The following ADRA1B variants were observed in gnomAD, a reference collection of about 807,000 sequenced individuals.
ADRA1B encodes the protein adrenoceptor alpha 1B.
Under a neutral mutation model 17.9 loss-of-function variants are expected in ADRA1B, and 17 were observed. The ratio of observed to expected loss-of-function variants is 0.95; its 90% CI spans 0.65 to 1.42. The LOEUF is 1.42. Ranked by LOEUF, ADRA1B falls within the 40% of genes most tolerant of loss-of-function variation. ADRA1B has a pLI of 0.00. For synonymous variants in ADRA1B, 366 were observed against 327.6 expected, an observed-to-expected ratio of 1.12 and a Z score of -1.27; for missense variants, 681 against 722.1, an observed-to-expected ratio of 0.94 and a Z score of 0.65.
intron 1 of ADRA1B, among the ~76,000 whole-genome samples, chr5:159,882,663 T>G (rs145465988): frequency 6.6e-6 from 1 of 152,302 alleles, no homozygotes; most frequent in East Asian, 1.9e-4. Context: ...CATCACCCAA[T>G]AGCCTGATCA....
upstream of ADRA1B, among the ~76,000 whole-genome samples, chr5:159,913,957 C>T (rs1754253475): frequency 6.6e-6 from 1 of 152,130 alleles, no homozygotes; most frequent in Non-Finnish European, 1.5e-5. Flanking sequence ...TCTTCCTCCT[C>T]CCTCTCCCCT....
At position 159,917,460 on chromosome 5, in the gene ADRA1B, G is replaced by A. The variant is rs766562864; in HGVS notation, c.555G>A (p.Lys185=). 6.8e-6 allele frequency: 11 copies of A among 1,614,156 alleles called. No homozygotes were observed. Among genetic ancestry groups the A allele is most frequent in the Non-Finnish European group, 7.6e-6 (9 of 1,180,010 alleles). Residue 185 remains lysine (K), a synonymous_variant, in exon 1 of 2, where the codon AAG becomes AAA. Coordinates refer to ENST00000306675, the MANE Select transcript of ADRA1B (RefSeq NM_000679.4). The stretch of plus-strand genomic sequence containing the variant: ...CCATCGGGCCTCTCCTTGGGTGGAA[G>A]GAGCCGGCACCCAACGATGACAAGG... ...VISIGPLLGW[K]EPAPNDDKEC... is the part of the protein sequence containing the mutation.
intron 1 of ADRA1B, among the ~76,000 whole-genome samples, chr5:159,957,765 G>A (rs770044084): frequency 7.9e-5 from 12 of 151,114 alleles, no homozygotes; most frequent in African/African-American, 2.9e-4. Context: ...ATGAAACCTC[G>A]TCTCTACTAC....
chr5:159,975,708 C>G (rs763142368), downstream of ADRA1B, among the ~76,000 whole-genome samples: 9 of 152,160 alleles, frequency 5.9e-5, no homozygotes, highest in Non-Finnish European at 5.9e-5. Context: ...GTGCTAGGGT[C>G]CAGATCTGGC....
rs566670618 is a variant in ADRA1B, at chr5:159,941,980, TG to T, written c.949+24128del. Among the ~76,000 whole-genome samples, 11 of 147,926 alleles carry T rather than the reference TG, an allele frequency of 7.4e-5. No individual in the cohort carries two copies. In the East Asian group the frequency reaches 2.1e-3, roughly 28 times the overall value. The stretch of plus-strand genomic sequence containing the variant: ...CTCTGTCACCCAGGCTAGAGTGCAG[TG>T]GCGCGATCTTGGCTCACTGCAAGCT... On this transcript the variant is annotated intron_variant, in intron 1 of 1. Transcript: ENST00000306675.
At chr5:159,890,874 C>A (rs1256172362) in intron 1 of ADRA1B, among the ~76,000 whole-genome samples, 1 of 152,222 alleles carries the variant, frequency 6.6e-6, no homozygotes, top group Non-Finnish European at 1.5e-5. Flanking sequence ...GTAAAACAAA[C>A]CTGTGAGATG....
chr5:159,976,952 C>T (rs1229985284), downstream of ADRA1B, among the ~76,000 whole-genome samples: 1 of 152,118 alleles, frequency 6.6e-6, no homozygotes, highest in Non-Finnish European at 1.5e-5. Flanking sequence ...ATTGGGGATG[C>T]AGTTAGCACC....
At chr5:159,976,430 A>G (rs537368622), downstream of ADRA1B, among the ~76,000 whole-genome samples, 1 of 152,162 alleles carries the variant, frequency 6.6e-6, no homozygotes, top group African/African-American at 2.4e-5. Flanking sequence ...TGGGTGGATC[A>G]TTTGAGGTGG....
chr5:159,896,062 T>C (rs1581023135), intron 1 of ADRA1B, among the ~76,000 whole-genome samples: 1 of 152,326 alleles, frequency 6.6e-6, no homozygotes, highest in African/African-American at 2.4e-5. Context: ...AAAAGCTATA[T>C]TGGTATCTAC....
At chr5:159,934,819 A>G (rs1280395830) in intron 1 of ADRA1B, among the ~76,000 whole-genome samples, 1 of 134,870 alleles carries the variant, frequency 7.4e-6, no homozygotes, top group Non-Finnish European at 1.6e-5. Flanking sequence ...CTCCATCTCA[A>G]AAAAAAAAAA....
chr5:159,954,051 T>G (rs1348066927), intron 1 of ADRA1B, among the ~76,000 whole-genome samples: 2 of 151,914 alleles, frequency 1.3e-5, no homozygotes, highest in African/African-American at 4.8e-5. Context: ...CAAAAGACAT[T>G]TATATGAATT....
intron 1 of ADRA1B, among the ~76,000 whole-genome samples, chr5:159,930,111 AT>A (rs1302624651): frequency 6.6e-6 from 1 of 152,182 alleles, no homozygotes; most frequent in Non-Finnish European, 1.5e-5. Context: ...AAAGTGTCCT[AT>A]TTTACTTACC....
intron 1 of ADRA1B, among the ~76,000 whole-genome samples, chr5:159,969,226 C>G (rs1435597300): frequency 6.6e-6 from 1 of 152,202 alleles, no homozygotes; most frequent in Non-Finnish European, 1.5e-5. Context: ...TTACACTTGG[C>G]ACTTACATCC....
chr5:159,875,528 T>C (rs1276394765), intron 1 of ADRA1B, among the ~76,000 whole-genome samples: 2 of 152,182 alleles, frequency 1.3e-5, no homozygotes, highest in African/African-American at 4.8e-5. Context: ...TACTTTAAAA[T>C]TTCAACATGC....
At chr5:159,895,419 A>G (rs903449788) in intron 1 of ADRA1B, among the ~76,000 whole-genome samples, 24 of 152,232 alleles carry the variant, frequency 1.6e-4, no homozygotes, top group African/African-American at 5.3e-4. Context: ...ACCTGGAACA[A>G]GATGCTACTG....
chr5:159,934,955 C>A (rs948112050), intron 1 of ADRA1B, among the ~76,000 whole-genome samples: 24 of 152,026 alleles, frequency 1.6e-4, no homozygotes, highest in African/African-American at 5.6e-4. Context: ...GAGGAATAAA[C>A]AAGAAACGGA....
intron 1 of ADRA1B, among the ~76,000 whole-genome samples, chr5:159,943,943 C>CACACAA (rs1755205563): frequency 6.7e-6 from 1 of 150,370 alleles, no homozygotes; most frequent in African/African-American, 2.4e-5. Flanking sequence ...CACACACAAA[C>CACACAA]ACACACACAC....
chr5:159,897,630 T>C (rs1754053446), intron 1 of ADRA1B, among the ~76,000 whole-genome samples: 1 of 152,204 alleles, frequency 6.6e-6, no homozygotes, highest in South Asian at 2.1e-4. Flanking sequence ...TCCTCAAGAT[T>C]AGGCGCAACT....
chr5:159,899,276 AAGG>A (rs34361868), intron 1 of ADRA1B, among the ~76,000 whole-genome samples: 1,271 of 103,754 alleles, frequency 0.012, 15 homozygotes, highest in African/African-American at 0.028. Context: ...GGAAGGAAGG[AAGG>A]AAGGAAGGAA....
Sources: allele counts gnomAD v4.1 joint callset (sites outside exome capture counted in the v4.1 genomes callset), GRCh38; gene constraint gnomAD v4.1.1; transcripts MANE v1.5; gene names NCBI Gene and HGNC (gene_info 2026-07-23, HGNC 2026-07-21).